Variants in RBFOX1 observed in about 807,000 individuals in gnomAD.
RBFOX1 encodes the protein RNA binding protein fox-1 homolog 1.
A neutral mutation model predicts 57.7 loss-of-function variants in RBFOX1; 8 were observed. That is an observed-to-expected ratio of 0.14 (90% CI 0.08 to 0.25). RBFOX1 has a LOEUF of 0.25. RBFOX1 is among the 10% of genes least tolerant of loss of function. RBFOX1 has a pLI of 1.00. For missense variants in RBFOX1, 611 were observed against 548.5 expected (o/e 1.11, Z -1.14); for synonymous variants, 326 against 222.4 (o/e 1.47, Z -4.15).
chr16:5,729,913 G>C (rs1392221843), intron 3 of RBFOX1, among the ~76,000 whole-genome samples: 1 of 152,306 alleles, frequency 6.6e-6, no homozygotes, highest in African/African-American at 2.4e-5. Context: ...TAAGCTCAGG[G>C]AAGCTGCTTC....
intron 1 of RBFOX1, among the ~76,000 whole-genome samples, chr16:5,299,798 T>A (rs549404318): frequency 6.6e-6 from 1 of 152,316 alleles, no homozygotes; most frequent in African/African-American, 2.4e-5. Flanking sequence ...TTTTTCCCTA[T>A]TGAACTAACT....
intron 3 of RBFOX1, among the ~76,000 whole-genome samples, chr16:5,770,086 G>T (rs979369083): frequency 6.6e-6 from 1 of 152,144 alleles, no homozygotes; most frequent in Non-Finnish European, 1.5e-5. Flanking sequence ...AGAGTAGTTT[G>T]GGTGATTACG....
At chr16:5,860,465 G>A (rs1268318095) in intron 3 of RBFOX1, among the ~76,000 whole-genome samples, 7 of 152,298 alleles carry the variant, frequency 4.6e-5, no homozygotes, top group Non-Finnish European at 1.0e-4. Flanking sequence ...CAAGAAAAGA[G>A]TTGACTCAGT....
At chr16:6,038,651 T>A (rs1205721387) in intron 1 of RBFOX1, 1 of 147,552 alleles carries the variant, frequency 6.8e-6, no homozygotes, top group African/African-American at 2.5e-5. Flanking sequence ...ATGAAGCACT[T>A]AGTAGGAGCT....
At chr16:5,991,837 G>C (rs2060405596) in intron 4 of RBFOX1, among the ~76,000 whole-genome samples, 1 of 151,966 alleles carries the variant, frequency 6.6e-6, no homozygotes, top group African/African-American at 2.4e-5. Flanking sequence ...CCTGGTTGCA[G>C]GGCTGGGAAA....
intron 2 of RBFOX1, among the ~76,000 whole-genome samples, chr16:6,367,486 G>T (rs754378503): frequency 8.2e-4 from 125 of 152,174 alleles, no homozygotes; most frequent in African/African-American, 2.8e-3. Context: ...TGGTCAGGCT[G>T]GCCCCGAACT....
chr16:6,555,702 A>G (rs1374430890), intron 2 of RBFOX1, among the ~76,000 whole-genome samples: 1 of 152,162 alleles, frequency 6.6e-6, no homozygotes, highest in East Asian at 1.9e-4. Context: ...TCTGTCTGAA[A>G]AAAAAACAAA....
At chr16:7,372,853 G>C (rs998369637) in intron 4 of RBFOX1, among the ~76,000 whole-genome samples, 2 of 151,978 alleles carry the variant, frequency 1.3e-5, no homozygotes, top group African/African-American at 2.4e-5. Context: ...AATATACGAA[G>C]AATATCTTGC....
At chr16:6,611,193 C>G (rs1302839608) in intron 2 of RBFOX1, among the ~76,000 whole-genome samples, 1 of 152,140 alleles carries the variant, frequency 6.6e-6, no homozygotes, top group Non-Finnish European at 1.5e-5. Context: ...GTCACCCAGG[C>G]TGGAGTATAA....
chr16:7,582,404 C>T (rs556896020), intron 6 of RBFOX1, among the ~76,000 whole-genome samples: 139 of 152,278 alleles, frequency 9.1e-4, no homozygotes, highest in Non-Finnish European at 1.7e-3. Flanking sequence ...CATACAGATT[C>T]ATAGACCCCC....
At chr16:7,232,742 G>C (rs552057110) in intron 4 of RBFOX1, among the ~76,000 whole-genome samples, 2 of 152,028 alleles carry the variant, frequency 1.3e-5, no homozygotes, top group East Asian at 3.9e-4. Flanking sequence ...TGAGAAGGCT[G>C]AGGCAGGAGA....
intron 13 of RBFOX1, among the ~76,000 whole-genome samples, chr16:7,670,603 C>T (rs532562331): frequency 9.9e-5 from 15 of 151,764 alleles, no homozygotes; most frequent in South Asian, 2.1e-4. Context: ...GAACTAGGAG[C>T]GAAAGGAGGA....
chr16:5,468,290 C>T (rs1367112094), intron 2 of RBFOX1, among the ~76,000 whole-genome samples: 1 of 152,120 alleles, frequency 6.6e-6, no homozygotes, highest in Non-Finnish European at 1.5e-5. Context: ...TCTGTACTTC[C>T]AAAACATTTT....
intron 4 of RBFOX1, among the ~76,000 whole-genome samples, chr16:7,210,174 G>T (rs970224234): frequency 6.6e-6 from 1 of 152,164 alleles, no homozygotes; most frequent in South Asian, 2.1e-4. Context: ...GATTTTATCA[G>T]TCAAGATCCC....
At chr16:5,343,266 T>C (rs1596585315) in intron 1 of RBFOX1, among the ~76,000 whole-genome samples, 1 of 150,936 alleles carries the variant, frequency 6.6e-6, no homozygotes, top group Non-Finnish European at 1.5e-5. Flanking sequence ...TTAAAGTCAT[T>C]ACATTTCCTT....
chr16:6,562,201 G>T (rs1360658653), intron 2 of RBFOX1, among the ~76,000 whole-genome samples: 1 of 152,256 alleles, frequency 6.6e-6, no homozygotes, highest in East Asian at 1.9e-4. Context: ...AGATGACTTG[G>T]GTGCCAGCCC....
chr16:7,093,979 T>C (rs765443961), intron 4 of RBFOX1, among the ~76,000 whole-genome samples: 2 of 151,708 alleles, frequency 1.3e-5, no homozygotes, highest in Non-Finnish European at 2.9e-5. Context: ...CTGGTGAGTA[T>C]TAATAAAAAC....
chr16:6,545,063 GAATTA>G (rs1342464503), intron 2 of RBFOX1, among the ~76,000 whole-genome samples: 1 of 152,130 alleles, frequency 6.6e-6, no homozygotes, highest in African/African-American at 2.4e-5. Flanking sequence ...GGACTGAGTT[GAATTA>G]AATTGGGAGA....
chr16:6,902,947 C>A (rs1294060618), intron 3 of RBFOX1, among the ~76,000 whole-genome samples: 1 of 152,138 alleles, frequency 6.6e-6, no homozygotes, highest in Non-Finnish European at 1.5e-5. Context: ...TCGGGGCTTA[C>A]AAGGGAGCAG....
Sources: allele counts gnomAD v4.1 joint callset (sites outside exome capture counted in the v4.1 genomes callset), GRCh38; gene constraint gnomAD v4.1.1; transcripts MANE v1.5; gene names NCBI Gene and HGNC (gene_info 2026-07-23, HGNC 2026-07-21).